Variants in TWIST1 observed in about 807,000 individuals in gnomAD.
TWIST1 encodes twist-related protein 1.
TWIST1 carries 8 observed loss-of-function variants against 12.9 expected under a neutral mutation model. That is an observed-to-expected ratio of 0.62 (90% CI 0.37 to 1.12). The LOEUF (loss-of-function observed/expected upper bound fraction) is 1.12, where lower values mean the gene tolerates loss of function less well. Among genes scored for constraint, TWIST1 ranks in the 50% most tolerant of loss-of-function variants. TWIST1 has a pLI of 0.02. For synonymous variants in TWIST1, 169 were observed against 138.7 expected (o/e 1.22, Z -1.54); for missense variants, 268 against 299.7 (o/e 0.89, Z 0.78).
At chr7:19,114,110 C>T (rs894713096), downstream of TWIST1, 1 of 152,098 alleles carries the variant, frequency 6.6e-6, no homozygotes, top group South Asian at 2.1e-4. Flanking sequence ...ACACCCCCAA[C>T]AAATACACCA....
rs1355035020 is a variant in TWIST1, at chr7:19,115,730, A to G, written c.*444T>C. 6.6e-6 allele frequency: 1 copy of G among 152,106 alleles called. No individual in the cohort carries two copies. The allele number at this position is 152,106 out of a possible 1,614,324, so 9.4% of individuals were successfully genotyped here. On this transcript the variant is annotated 3_prime_UTR_variant, in exon 2 of 2. Transcript: ENST00000242261. Reference sequence around the variant, plus strand: ...TATTTTTATTTCTAAAGGTGTTCTTATAGTTCCTCTGATTGTTACCATTTT... The same window carrying G: ...TATTTTTATTTCTAAAGGTGTTCTTGTAGTTCCTCTGATTGTTACCATTTT...
At chr7:19,113,248 G>T (rs1788506293), downstream of TWIST1, 1 of 152,116 alleles carries the variant, frequency 6.6e-6, no homozygotes, top group Non-Finnish European at 1.5e-5. Flanking sequence ...CAATAGCACA[G>T]TAAAGGAAAC....
rs1788604932 is a variant in TWIST1, at chr7:19,117,533, G to A, written c.-212C>T. ...GGAGGGGGAGGGGACGGTGTGGATG[G>A]CCCCGAGGTCCAAAAAGAAAGCGCC... On this transcript the variant is annotated 5_prime_UTR_variant, in exon 1 of 2. Coordinates refer to ENST00000242261, the MANE Select transcript of TWIST1 (RefSeq NM_000474.4). 3.4e-6 allele frequency: 4 copies of A among 1,166,296 alleles called. No individual in the cohort carries two copies. Among genetic ancestry groups the A allele is most frequent in the South Asian group, 3.3e-5 (1 of 30,264 alleles). 72.2% of individuals were successfully genotyped at this position (1,166,296 alleles called of 1,614,324 possible). A position where few individuals can be genotyped will look rare whatever the true frequency, so the allele number is the denominator to read the frequency against.
At chr7:19,114,833 TA>T (rs1002148856), downstream of TWIST1, among the ~76,000 whole-genome samples, 4 of 152,110 alleles carry the variant, frequency 2.6e-5, no homozygotes, top group Non-Finnish European at 5.9e-5. Flanking sequence ...TCTTTACACA[TA>T]AAAAAAGAAT....
rs121909187 is a variant in TWIST1, at chr7:19,116,954, G to T, written c.368C>A (p.Ser123Ter). 6.2e-7 allele frequency: 1 copy of T among 1,613,602 alleles called. No homozygotes were observed. The highest frequency in any genetic ancestry group is 8.5e-7 in the Non-Finnish European group (1 of 1,179,914). The change falls in exon 1 of 2, where the codon TCG (serine) becomes TAG (stop). Residue 123 changes from serine (S) to a stop codon, truncating the protein, a stop_gained. Transcript: ENST00000242261. LOFTEE classifies it high-confidence loss of function. The part of the protein sequence containing the change: ...ANVRERQRTQ[S>*]LNEAFAALRK... ...CAGCGCGGCGAACGCCTCGTTCAGC[G>T]ACTGGGTGCGCTGGCGCTCCCGCAC...
chr7:19,117,530 A>T lies in TWIST1; in HGVS notation c.-209T>A. ...GCGGGAGGGGGAGGGGACGGTGTGG[A>T]TGGCCCCGAGGTCCAAAAAGAAAGC... is the stretch of plus-strand genomic sequence containing the variant. On this transcript the variant is annotated 5_prime_UTR_variant, in exon 1 of 2. Coordinates refer to ENST00000242261, the MANE Select transcript of TWIST1 (RefSeq NM_000474.4). 8.5e-7 allele frequency: 1 copy of T among 1,175,636 alleles called. No individual in the cohort carries two copies. The highest frequency in any genetic ancestry group is 3.1e-5 in the South Asian group (1 of 32,382). 72.8% of individuals were successfully genotyped at this position (1,175,636 alleles called of 1,614,324 possible).
At position 19,117,418 on chromosome 7, in the gene TWIST1, G is replaced by A. The variant is rs1012863789; in HGVS notation, c.-97C>T. 57 of 1,218,078 alleles carry A rather than the reference G, an allele frequency of 4.7e-5. No individual in the cohort carries two copies. In the South Asian group the frequency reaches 8.2e-4, roughly 18 times the overall value. 75.5% of individuals were successfully genotyped at this position (1,218,078 alleles called of 1,614,324 possible). On this transcript the variant is annotated 5_prime_UTR_variant, in exon 1 of 2. Coordinates refer to ENST00000242261, the MANE Select transcript of TWIST1 (RefSeq NM_000474.4). ...CTTCCCCCGCGCGCGGCGCCGGCCC[G>A]GGCGATGCGGCCCGCGGAGGAGAGA...
intron 1 of TWIST1, 101 bp downstream of exon 1, chr7:19,116,570 G>A (rs536574277): frequency 1.0e-6 from 1 of 961,290 alleles, no homozygotes; most frequent in South Asian, 1.6e-5. Flanking sequence ...TGAGCGGAGA[G>A]TGGGAGAGGG....
downstream of TWIST1, chr7:19,113,865 GAT>G (rs1788516726): frequency 3.9e-5 from 6 of 152,246 alleles, no homozygotes; most frequent in South Asian, 1.2e-3. Flanking sequence ...CCAGAGTTAA[GAT>G]AACAATTACC....
rs754536695 is a variant in TWIST1, at chr7:19,116,691, AG to A, written c.*21del. 7.6e-6 allele frequency: 12 copies of A among 1,585,312 alleles called. No homozygotes were observed. Among genetic ancestry groups the A allele is most frequent in the Non-Finnish European group, 1.0e-5 (12 of 1,167,044 alleles). On this transcript the variant is annotated 3_prime_UTR_variant, in exon 1 of 2. Coordinates refer to ENST00000242261, the MANE Select transcript of TWIST1 (RefSeq NM_000474.4). The stretch of plus-strand genomic sequence containing the variant: ...CTTACCTAGGTCTCCGGCCCTGCTG[AG>A]GGGGTGGGGGGCTCCGCCTGCTAGT...
At position 19,117,364 on chromosome 7, in the gene TWIST1, G is replaced by T; in HGVS notation, c.-43C>A. On this transcript the variant is annotated 5_prime_UTR_variant, in exon 1 of 2. Transcript: ENST00000242261. ...GTGGCCTCGCGGGCCCGGGGCAGAG[G>T]AGAAGAGCGGGGCGCCTCAGCCCGC... is the stretch of plus-strand genomic sequence containing the variant. The T allele has an allele frequency of 7.2e-7, 1 of 1,396,282 alleles. No individual in the cohort carries two copies. The highest frequency in any genetic ancestry group is 1.4e-5 in the South Asian group (1 of 70,356). The allele number at this position is 1,396,282 out of a possible 1,614,324, so 86.5% of individuals were successfully genotyped here. A position where few individuals can be genotyped will look rare whatever the true frequency, so the allele number is the denominator to read the frequency against.
rs369330492 is a variant in TWIST1 at position 19,117,448 on chromosome 7, G to A, written c.-127C>T. ...ATGCGGCCCGCGGAGGAGAGAGCAG[G>A]AGGACGGACGGGAGGGACCTCCGCG... is the stretch of plus-strand genomic sequence containing the variant. On this transcript the variant is annotated 5_prime_UTR_variant, in exon 1 of 2. Transcript: ENST00000242261. 35 of 1,197,502 alleles carry A rather than the reference G, an allele frequency of 2.9e-5. No individual in the cohort carries two copies. Among genetic ancestry groups the A allele is most frequent in the Non-Finnish European group, 3.3e-5 (32 of 961,340 alleles). 74.2% of individuals were successfully genotyped at this position (1,197,502 alleles called of 1,614,324 possible).
Position 19,116,737 on chromosome 7 carries a change from G to A in TWIST1, c.585C>T (p.Ala195=), listed in dbSNP as rs756440852. The A allele has an allele frequency of 1.2e-6, 2 of 1,610,948 alleles. No homozygotes were observed. The highest frequency in any genetic ancestry group is 1.3e-5 in the African/African-American group (1 of 74,874). ...YAFSVWRMEG[A]WSMSASH is the part of the protein sequence containing the mutation. Reference sequence around the variant, plus strand: ...GCTAGTGGGACGCGGACATGGACCAGGCCCCCTCCATCCTCCAGACCGAGA... The same window carrying A: ...GCTAGTGGGACGCGGACATGGACCAAGCCCCCTCCATCCTCCAGACCGAGA... Residue 195 remains alanine, a synonymous_variant, in exon 1 of 2, where the codon GCC becomes GCT. Coordinates refer to ENST00000242261, the MANE Select transcript of TWIST1 (RefSeq NM_000474.4).
chr7:19,117,400 C>T lies in TWIST1; in HGVS notation c.-79G>A, dbSNP rs1381520716. On this transcript the variant is annotated 5_prime_UTR_variant, in exon 1 of 2. Transcript: ENST00000242261. ...GGCGCCTCAGCCCGCCAGCTTCCCC[C>T]GCGCGCGGCGCCGGCCCGGGCGATG... 1.6e-6 allele frequency: 2 copies of T among 1,282,518 alleles called. No individual in the cohort carries two copies. Among genetic ancestry groups the T allele is most frequent in the East Asian group, 3.7e-5 (1 of 27,094 alleles). The allele number at this position is 1,282,518 out of a possible 1,614,324, so 79.4% of individuals were successfully genotyped here.
In TWIST1 at chr7:19,117,412, C is replaced by G. The variant is rs1054159293; in HGVS notation, c.-91G>C. ...CGCCAGCTTCCCCCGCGCGCGGCGC[C>G]GGCCCGGGCGATGCGGCCCGCGGAG... On this transcript the variant is annotated 5_prime_UTR_variant, in exon 1 of 2. Coordinates refer to ENST00000242261, the MANE Select transcript of TWIST1 (RefSeq NM_000474.4). 3.1e-5 allele frequency: 38 copies of G among 1,220,494 alleles called. No individual in the cohort carries two copies. The highest frequency in any genetic ancestry group is 3.8e-5 in the Non-Finnish European group (37 of 976,002). 75.6% of individuals were successfully genotyped at this position (1,220,494 alleles called of 1,614,324 possible).
At position 19,117,282 on chromosome 7, in the gene TWIST1, C is replaced by A. The variant is rs1032642485; in HGVS notation, c.40G>T (p.Asp14Tyr). 3.4e-6 allele frequency: 5 copies of A among 1,475,488 alleles called. No homozygotes were observed. The African/African-American group carries it at 5.9e-5, about 17-fold the overall frequency. 91.4% of individuals were successfully genotyped at this position (1,475,488 alleles called of 1,614,324 possible). ...DVSSSPVSPA[D>Y]DSLSNSEEEP... is the part of the protein sequence containing the mutation. Reference sequence around the variant, plus strand: ...TCCTCGCTGTTGCTCAGGCTGTCGTCGGCCGGCGAGACTGGCGAGCTGGAC... The same window carrying A: ...TCCTCGCTGTTGCTCAGGCTGTCGTAGGCCGGCGAGACTGGCGAGCTGGAC... The change falls in exon 1 of 2, where the codon GAC becomes TAC. Residue 14 changes from aspartate to tyrosine, a missense_variant. This residue lies in a region of TWIST1 where 189 missense variants were observed against 172.1 expected (regional missense o/e 1.10). Transcript: ENST00000242261.
rs892785680 is a variant in TWIST1 at position 19,117,417 on chromosome 7, C to A, written c.-96G>T. 1.1e-5 allele frequency: 13 copies of A among 1,206,360 alleles called. No homozygotes were observed. The highest frequency in any genetic ancestry group is 1.6e-5 in the African/African-American group (1 of 61,610). 74.7% of individuals were successfully genotyped at this position (1,206,360 alleles called of 1,614,324 possible). A position where few individuals can be genotyped will look rare whatever the true frequency, so the allele number is the denominator to read the frequency against. On this transcript the variant is annotated 5_prime_UTR_variant, in exon 1 of 2. Coordinates refer to ENST00000242261, the MANE Select transcript of TWIST1 (RefSeq NM_000474.4). ...GCTTCCCCCGCGCGCGGCGCCGGCC[C>A]GGGCGATGCGGCCCGCGGAGGAGAG...
At position 19,117,348 on chromosome 7, in the gene TWIST1, C is replaced by A; in HGVS notation, c.-27G>T. On this transcript the variant is annotated 5_prime_UTR_variant, in exon 1 of 2. Transcript: ENST00000242261. Reference sequence around the variant, plus strand: ...TCTCGAGCGGCGACGCGTGGCCTCGCGGGCCCGGGGCAGAGGAGAAGAGCG... The same window carrying A: ...TCTCGAGCGGCGACGCGTGGCCTCGAGGGCCCGGGGCAGAGGAGAAGAGCG... 1 of 1,438,084 alleles carries A rather than the reference C, an allele frequency of 7.0e-7. No homozygotes were observed. Among genetic ancestry groups the A allele is most frequent in the Admixed American group, 2.4e-5 (1 of 41,980 alleles). The allele number at this position is 1,438,084 out of a possible 1,614,324, so 89.1% of individuals were successfully genotyped here. A position where few individuals can be genotyped will look rare whatever the true frequency, so the allele number is the denominator to read the frequency against.
rs1051003265 is a variant in TWIST1 at position 19,117,119 on chromosome 7, C to T, written c.203G>A (p.Ser68Asn). ...CTTGCCGCGCTTGCCCTGGGCCGGG[C>T]TGCCCGGCTCGTCGCCGCCTCCGAC... ...GGVGGGDEPG[S>N]PAQGKRGKKS... The change falls in exon 1 of 2, where the codon AGC becomes AAC. Residue 68 changes from serine (S) to asparagine (N), a missense_variant. By Grantham distance (46) the Ser-to-Asn change is conservative. Around this residue, in one of 2 missense-constraint regions of TWIST1, gnomAD observed 189 missense variants for 172.1 expected, o/e 1.10. Transcript: ENST00000242261. 5.2e-6 allele frequency: 6 copies of T among 1,162,346 alleles called. No homozygotes were observed. The highest frequency in any genetic ancestry group is 6.4e-6 in the Non-Finnish European group (6 of 944,538). The allele number at this position is 1,162,346 out of a possible 1,614,324, so 72.0% of individuals were successfully genotyped here.
Sources: gnomAD v4.1 joint callset for allele counts (sites outside exome capture counted in the v4.1 genomes callset) on GRCh38, gnomAD v4.1.1 for gene constraint, gnomAD v4.1.1 regional missense constraint, MANE v1.5 for transcripts, NCBI Gene and HGNC (gene_info 2026-07-23, HGNC 2026-07-21) for gene names.